The following G3BP2 variants were observed in gnomAD, a reference collection of about 807,000 sequenced individuals.
G3BP2 encodes the protein G3BP stress granule assembly factor 2.
G3BP2 carries 11 observed loss-of-function variants against 56.7 expected under a neutral mutation model. The ratio of observed to expected loss-of-function variants is 0.19; its 90% CI spans 0.12 to 0.32. The LOEUF is 0.32. G3BP2 is among the 10% of genes least tolerant of loss of function. The pLI, the probability that G3BP2 is intolerant of heterozygous loss-of-function variation, is 1.00. For synonymous variants in G3BP2, 165 were observed against 191.6 expected, an observed-to-expected ratio of 0.86 and a Z score of 1.15; for missense variants, 340 against 610.9, an observed-to-expected ratio of 0.56 and a Z score of 4.67.
In G3BP2 at chr4:75,673,361, C is replaced by T; in HGVS notation, c.-178G>A. The T allele has an allele frequency of 1.6e-6, 2 of 1,231,862 alleles. No homozygotes were observed. The highest frequency in any genetic ancestry group is 2.0e-6 in the Non-Finnish European group (2 of 987,844). The allele number at this position is 1,231,862 out of a possible 1,614,324, so 76.3% of individuals were successfully genotyped here. On this transcript the variant is annotated 5_prime_UTR_variant, in exon 1 of 12. Coordinates refer to ENST00000359707, the MANE Select transcript of G3BP2 (RefSeq NM_203505.3). Reference sequence around the variant, plus strand: ...GCCGCGAGTTCGTCTGCCTCACAACCACCTCTTCCCGGGCGCCAGGCGCTG... The same window carrying T: ...GCCGCGAGTTCGTCTGCCTCACAACTACCTCTTCCCGGGCGCCAGGCGCTG...
chr4:75,723,753 G>T lies in G3BP2; in HGVS notation c.-166+523C>A, dbSNP rs182732626. ...CTGAGACCTGTGGGGAATCCAAGGG[G>T]AGAGGTGCATGAGTCAGTTAGCTAA... On this transcript the variant is annotated intron_variant, in intron 1 of 3. Transcript: ENST00000499709. 7.9e-5 allele frequency among the ~76,000 whole-genome samples: 12 copies of T among 152,246 alleles called. No individual in the cohort carries two copies. The East Asian group carries it at 2.3e-3, about 29-fold the overall frequency.
At chr4:75,695,835 G>A (rs963079718) in intron 3 of G3BP2, among the ~76,000 whole-genome samples, 1 of 152,042 alleles carries the variant, frequency 6.6e-6, no homozygotes, top group Admixed American at 6.6e-5. Flanking sequence ...TTAGCCAGGC[G>A]TGGTGGTGGG....
chr4:75,669,300 T>C (rs1276160274), intron 1 of G3BP2, among the ~76,000 whole-genome samples: 2 of 152,232 alleles, frequency 1.3e-5, no homozygotes, highest in Non-Finnish European at 2.9e-5. Context: ...AGCTATTTCC[T>C]TATTTCTGTT....
chr4:75,721,181 TC>T (rs1720162490), intron 2 of G3BP2, among the ~76,000 whole-genome samples: 1 of 151,594 alleles, frequency 6.6e-6, no homozygotes, highest in Admixed American at 6.6e-5. Context: ...CTTCAGGTGA[TC>T]CGTCCACCTC....
intron 1 of G3BP2, among the ~76,000 whole-genome samples, chr4:75,663,884 A>AGTCAAAAT (rs2149009960): frequency 6.6e-6 from 1 of 152,208 alleles, no homozygotes; most frequent in African/African-American, 2.4e-5. Flanking sequence ...AAAATATGAA[A>AGTCAAAAT]TATAACCTAT....
exon 3 of G3BP2, among the ~76,000 whole-genome samples, chr4:75,720,926 C>A (rs951867765): frequency 7.3e-6 from 1 of 137,332 alleles, no homozygotes; most frequent in African/African-American, 2.8e-5. Context: ...AGCTTGAGGC[C>A]GGGAGTTTGA....
chr4:75,662,693 TC>T (rs2149003955), intron 1 of G3BP2, among the ~76,000 whole-genome samples: 1 of 152,300 alleles, frequency 6.6e-6, no homozygotes, highest in African/African-American at 2.4e-5. Context: ...TCCCTACCCT[TC>T]GGTAAAGGGA....
chr4:75,686,325 A>G (rs575392155), intron 3 of G3BP2, among the ~76,000 whole-genome samples: 10 of 152,240 alleles, frequency 6.6e-5, no homozygotes, highest in African/African-American at 2.4e-4. Context: ...ACACAGGCAA[A>G]AAAGAATTTT....
chr4:75,668,980 A>G (rs1297409077), intron 1 of G3BP2, among the ~76,000 whole-genome samples: 1 of 152,170 alleles, frequency 6.6e-6, no homozygotes. Flanking sequence ...CTTTGAATGC[A>G]ATTCTCTGGA....
intron 3 of G3BP2, among the ~76,000 whole-genome samples, chr4:75,713,337 C>T (rs1719822586): frequency 6.6e-6 from 1 of 152,058 alleles, no homozygotes. Context: ...TGAAAGGATG[C>T]TAAAATTGGA....
rs566090669 is a variant in G3BP2, at chr4:75,656,558, C to G, written c.442+366G>C. Among the ~76,000 whole-genome samples, 4 of 152,164 alleles carry G rather than the reference C, an allele frequency of 2.6e-5. No homozygotes were observed. The East Asian group carries it at 7.7e-4, about 29-fold the overall frequency. On this transcript the variant is annotated intron_variant, in intron 5 of 11. Coordinates refer to ENST00000359707, the MANE Select transcript of G3BP2 (RefSeq NM_203505.3). The stretch of plus-strand genomic sequence containing the variant: ...AATTACGGCATAGCCACAACATAGA[C>G]AGCCAACAAAGACATATTATTACAT...
intron 3 of G3BP2, among the ~76,000 whole-genome samples, chr4:75,718,769 G>T (rs1378592416): frequency 6.6e-6 from 1 of 152,148 alleles, no homozygotes; most frequent in Non-Finnish European, 1.5e-5. Flanking sequence ...GTCACAAGGA[G>T]ACTTTTGCTG....
rs565901992 is a variant in G3BP2 at position 75,720,971 on chromosome 4, T to G, written c.-117-2A>C. 1.1e-4 allele frequency among the ~76,000 whole-genome samples: 6 copies of G among 52,350 alleles called. No homozygotes were observed. The highest frequency in any genetic ancestry group is 1.6e-4 in the Non-Finnish European group (5 of 31,108). The allele number at this position is 52,350 out of a possible 152,430, so 34.3% of individuals were successfully genotyped here. On this transcript the variant is annotated splice_acceptor_variant, in intron 2 of 3. Transcript: ENST00000499709. LOFTEE classifies it low-confidence loss of function (5UTR_SPLICE). ...GGGTAACATAGCAAGACTTCATCTC[T>G]ACAAAAAAAAAAAAAAAAAAAAAAT...
intron 8 of G3BP2, among the ~76,000 whole-genome samples, chr4:75,649,750 A>G (rs1244377595): frequency 6.6e-6 from 1 of 152,124 alleles, no homozygotes; most frequent in African/African-American, 2.4e-5. Context: ...GGTCATCTCC[A>G]TGTAATCCCA....
chr4:75,653,615 A>G (rs551254208), intron 8 of G3BP2, among the ~76,000 whole-genome samples: 125 of 143,592 alleles, frequency 8.7e-4, no homozygotes, highest in African/African-American at 3.1e-3. Context: ...AACAAAAACG[A>G]TTCTTTATTA....
intron 1 of G3BP2, among the ~76,000 whole-genome samples, chr4:75,663,924 T>C (rs1732777222): frequency 6.6e-6 from 1 of 152,120 alleles, no homozygotes; most frequent in African/African-American, 2.4e-5. Flanking sequence ...CTTGCTCTGT[T>C]GCCCAGGCTG....
intron 5 of G3BP2, 90 bp downstream of exon 5, chr4:75,656,834 A>C (rs924352487): frequency 1.1e-4 from 76 of 703,792 alleles, no homozygotes; most frequent in Non-Finnish European, 1.8e-4. Flanking sequence ...ATAAAGCAGC[A>C]AATTTCCGTA....
chr4:75,656,157 ATT>A (rs1000526021), intron 5 of G3BP2, among the ~76,000 whole-genome samples: 1 of 146,048 alleles, frequency 6.8e-6, no homozygotes. Context: ...TGCCCAGCTA[ATT>A]TTTTTTTTTT....
intron 8 of G3BP2, 117 bp from the exon 9 acceptor site, chr4:75,648,858 T>C: frequency 1.6e-6 from 1 of 609,094 alleles, no homozygotes; most frequent in Non-Finnish European, 2.9e-6. Flanking sequence ...TTAGAATGTT[T>C]TTAACATAGT....
Sources: allele counts gnomAD v4.1 joint callset (sites outside exome capture counted in the v4.1 genomes callset), GRCh38; gene constraint gnomAD v4.1.1; transcripts MANE v1.5; gene names NCBI Gene and HGNC (gene_info 2026-07-23, HGNC 2026-07-21).